Variants in PRDM6 observed in about 807,000 individuals in gnomAD.
PRDM6 encodes PR/SET domain 6.
PRDM6 carries 25 observed loss-of-function variants against 60.8 expected under a neutral mutation model. The observed-to-expected ratio is 0.41, with a 90% CI of 0.30 to 0.57. The LOEUF is 0.57. Ranked by LOEUF, PRDM6 falls within the 20% of genes least tolerant of loss-of-function variation. The probability of loss-of-function intolerance (pLI) is 0.27; values close to 1 mark genes in which losing one functional copy is unlikely to be tolerated. For missense variants in PRDM6, 839 were observed against 821.3 expected, an observed-to-expected ratio of 1.02 and a Z score of -0.26; for synonymous variants, 407 against 357.4, an observed-to-expected ratio of 1.14 and a Z score of -1.57.
At chr5:123,139,625 G>A (rs1186271122) in intron 3 of PRDM6, among the ~76,000 whole-genome samples, 2 of 152,078 alleles carry the variant, frequency 1.3e-5, no homozygotes, top group Non-Finnish European at 2.9e-5. Flanking sequence ...CCAGTCCTCA[G>A]GGATGCAGGT....
At chr5:123,180,568 GT>G (rs1198134820) in intron 7 of PRDM6, among the ~76,000 whole-genome samples, 1 of 152,174 alleles carries the variant, frequency 6.6e-6, no homozygotes, top group African/African-American at 2.4e-5. Context: ...TTCTGGGTCT[GT>G]TTTCTCATCA....
rs1002943314 is a variant in PRDM6, at chr5:123,180,300, C to A, written c.1650C>A (p.Thr550=). Residue 550 remains threonine, a synonymous_variant, in exon 7 of 8, where the codon ACC becomes ACA. Coordinates refer to ENST00000407847, the MANE Select transcript of PRDM6 (RefSeq NM_001136239.4). ...CCACCCTCAACAACCACATCCGAACCCACACTGGAGAAAAGCCCTTCAAGT... is the reference window on the plus strand; with the variant it reads ...CCACCCTCAACAACCACATCCGAACACACACTGGAGAAAAGCCCTTCAAGT... ...GATTLNNHIR[T]HTGEKPFKCE... 1.9e-6 allele frequency: 3 copies of A among 1,551,322 alleles called. No individual in the cohort carries two copies. Among genetic ancestry groups the A allele is most frequent in the Non-Finnish European group, 2.6e-6 (3 of 1,146,794 alleles).
intron 3 of PRDM6, among the ~76,000 whole-genome samples, chr5:123,125,005 G>T (rs1764660504): frequency 6.6e-6 from 1 of 151,134 alleles, no homozygotes; most frequent in Non-Finnish European, 1.5e-5. Flanking sequence ...TATTCTGAAG[G>T]TTTGATGCCA....
At position 123,164,956 on chromosome 5, in the gene PRDM6, A is replaced by G. The variant is rs557554158; in HGVS notation, c.1153+5318A>G. ...AAGGACTGTTCCCTTGCCTCAAACCAGGACAACCCTAAAGGACATTCATTC... is the reference window on the plus strand; with the variant it reads ...AAGGACTGTTCCCTTGCCTCAAACCGGGACAACCCTAAAGGACATTCATTC... On this transcript the variant is annotated intron_variant, in intron 5 of 7. Coordinates refer to ENST00000407847, the MANE Select transcript of PRDM6 (RefSeq NM_001136239.4). Among the ~76,000 whole-genome samples the G allele has an allele frequency of 1.2e-4, 18 of 152,260 alleles. No individual in the cohort carries two copies. In the South Asian group the frequency reaches 3.7e-3, roughly 32 times the overall value.
At chr5:123,148,714 C>T (rs1210386842) in intron 3 of PRDM6, among the ~76,000 whole-genome samples, 1 of 151,902 alleles carries the variant, frequency 6.6e-6, no homozygotes, top group Non-Finnish European at 1.5e-5. Flanking sequence ...TTAATTCTCA[C>T]TAAATTGACA....
chr5:123,175,583 T>A (rs756060759), intron 6 of PRDM6, among the ~76,000 whole-genome samples: 1 of 152,164 alleles, frequency 6.6e-6, no homozygotes, highest in Non-Finnish European at 1.5e-5. Context: ...CCTGAAATAT[T>A]TTTCTCCTTA....
In PRDM6 at chr5:123,089,749, A is replaced by C. The variant is rs372534518; in HGVS notation, c.-16+230A>C. Among the ~76,000 whole-genome samples, 143 of 152,214 alleles carry C rather than the reference A, an allele frequency of 9.4e-4. 1 individual carries two copies. The East Asian group carries it at 0.025, about 27-fold the overall frequency. On this transcript the variant is annotated intron_variant, in intron 1 of 7. Transcript: ENST00000407847. ...GGGCAGCGCCCTCCTGTCGGGCCCCAGCATTGCTGGATGGGAGCTGGACGC... is the reference window on the plus strand; with the variant it reads ...GGGCAGCGCCCTCCTGTCGGGCCCCCGCATTGCTGGATGGGAGCTGGACGC...
intron 3 of PRDM6, among the ~76,000 whole-genome samples, chr5:123,131,975 G>A (rs909274520): frequency 1.3e-5 from 2 of 152,150 alleles, no homozygotes; most frequent in Non-Finnish European, 2.9e-5. Context: ...AATAGTAATA[G>A]TATCTGTTCC....
intron 3 of PRDM6, among the ~76,000 whole-genome samples, chr5:123,133,001 A>G (rs1764868499): frequency 6.6e-6 from 1 of 152,128 alleles, no homozygotes; most frequent in South Asian, 2.1e-4. Context: ...CCTAGCTTGC[A>G]AAATGTACAG....
intron 4 of PRDM6, among the ~76,000 whole-genome samples, 155 bp from the exon 5 acceptor site, chr5:123,159,359 T>C (rs771964711): frequency 6.6e-6 from 1 of 152,210 alleles, no homozygotes; most frequent in African/African-American, 2.4e-5. Context: ...CAGACTCTAA[T>C]TGGTTGCTGG....
At chr5:123,155,397 C>T (rs1054203607) in intron 3 of PRDM6, among the ~76,000 whole-genome samples, 15 of 150,580 alleles carry the variant, frequency 1.0e-4, no homozygotes, top group Admixed American at 6.0e-4. Context: ...CAGTTCTTTA[C>T]GGCTCCATAA....
At chr5:123,105,012 A>G (rs542966367) in intron 3 of PRDM6, among the ~76,000 whole-genome samples, 1 of 152,338 alleles carries the variant, frequency 6.6e-6, no homozygotes, top group Admixed American at 6.5e-5. Context: ...CCATTTGGAC[A>G]TTCTCACATC....
At chr5:123,182,266 G>T (rs1044382473) in intron 7 of PRDM6, among the ~76,000 whole-genome samples, 8 of 152,210 alleles carry the variant, frequency 5.3e-5, no homozygotes, top group African/African-American at 1.9e-4. Flanking sequence ...GGGTTCCTAG[G>T]TTCTGGCTTC....
rs1385893852 is a variant in PRDM6 at position 123,153,218 on chromosome 5, G to A, written c.901-2666G>A. On this transcript the variant is annotated intron_variant, in intron 3 of 7. Coordinates refer to ENST00000407847, the MANE Select transcript of PRDM6 (RefSeq NM_001136239.4). ...TGAACTACAAAAAAAAAAAAAAAAA[G>A]GGCTAGGTTTTCTTTTCATTTATTT... Among the ~76,000 whole-genome samples the A allele has an allele frequency of 5.4e-5, 8 of 148,306 alleles. No individual in the cohort carries two copies. The East Asian group carries it at 7.9e-4, about 15-fold the overall frequency.
Position 123,187,957 on chromosome 5 carries a change from G to A in PRDM6, c.*756G>A, listed in dbSNP as rs1033120852. On this transcript the variant is annotated 3_prime_UTR_variant, in exon 8 of 8. Coordinates refer to ENST00000407847, the MANE Select transcript of PRDM6 (RefSeq NM_001136239.4). ...GCTTCATAATACGTTATATTGTTCC[G>A]AAGCAGCTCGTTGAGAAACATTTGT... 3 of 151,348 alleles carry A rather than the reference G, an allele frequency of 2.0e-5. No homozygotes were observed. Among genetic ancestry groups the A allele is most frequent in the East Asian group, 1.9e-4 (1 of 5,180 alleles). 9.4% of individuals were successfully genotyped at this position (151,348 alleles called of 1,614,324 possible).
At chr5:123,136,419 G>A (rs1483939353) in intron 3 of PRDM6, among the ~76,000 whole-genome samples, 1 of 152,090 alleles carries the variant, frequency 6.6e-6, no homozygotes, top group Non-Finnish European at 1.5e-5. Context: ...GTTTTGCAAA[G>A]TAGACACCCG....
intron 3 of PRDM6, among the ~76,000 whole-genome samples, chr5:123,114,011 G>A (rs1764373960): frequency 6.6e-6 from 1 of 152,242 alleles, no homozygotes; most frequent in Non-Finnish European, 1.5e-5. Context: ...TAGTAAAGTA[G>A]TAGAGGATCA....
intron 3 of PRDM6, among the ~76,000 whole-genome samples, chr5:123,152,305 T>C (rs1765386095): frequency 6.6e-6 from 1 of 152,164 alleles, no homozygotes; most frequent in South Asian, 2.1e-4. Context: ...AGGTAGAGAC[T>C]GCAGAACTGG....
At chr5:123,093,664 A>T (rs1763893160) in intron 2 of PRDM6, among the ~76,000 whole-genome samples, 1 of 152,110 alleles carries the variant, frequency 6.6e-6, no homozygotes, top group South Asian at 2.1e-4. Flanking sequence ...GTCTAATATT[A>T]CTGCCCTCAT....
Sources: allele counts gnomAD v4.1 joint callset (sites outside exome capture counted in the v4.1 genomes callset), GRCh38; gene constraint gnomAD v4.1.1; transcripts MANE v1.5; gene names NCBI Gene and HGNC (gene_info 2026-07-23, HGNC 2026-07-21).